CCDC7: variants seen among roughly 807,000 people sequenced by gnomAD.
CCDC7 encodes the protein coiled-coil domain-containing protein 7.
CCDC7 carries 183 observed loss-of-function variants against 196.9 expected under a neutral mutation model. The observed-to-expected ratio is 0.93, with a 90% CI of 0.82 to 1.05. The LOEUF is 1.05. Ranked by LOEUF, CCDC7 falls within the 50% of genes least tolerant of loss-of-function variation. CCDC7 has a pLI of 0.00. For synonymous variants in CCDC7, 525 were observed against 484.6 expected (o/e 1.08, Z -1.10); for missense variants, 1,540 against 1,482.2 (o/e 1.04, Z -0.64).
At chr10:32,781,104 A>T (rs1326450579) in intron 29 of CCDC7, among the ~76,000 whole-genome samples, 5 of 152,200 alleles carry the variant, frequency 3.3e-5, no homozygotes, top group Non-Finnish European at 5.9e-5. Context: ...AATCTACCAG[A>T]ACTGACTTAT....
intron 21 of CCDC7, among the ~76,000 whole-genome samples, chr10:32,670,367 C>G (rs138660299): frequency 0.014 from 2,136 of 151,142 alleles, 18 homozygotes; most frequent in Non-Finnish European, 0.018. Flanking sequence ...ATTTCCTATA[C>G]TTTTATTTAC....
rs962876001 is a variant in CCDC7, at chr10:32,874,827, C to T, written c.4112-1520C>T. Among the ~76,000 whole-genome samples the T allele has an allele frequency of 4.6e-5, 7 of 151,178 alleles. No homozygotes were observed. In the East Asian group the frequency reaches 1.2e-3, roughly 25 times the overall value. On this transcript the variant is annotated intron_variant, in intron 41 of 41. Transcript: ENST00000639629. ...ATACTCACCACATTTTCTTTATCCA[C>T]TCATCATTGCTTTTGGGGTCTTAGT...
chr10:32,863,171 A>G (rs1485846094), intron 41 of CCDC7, among the ~76,000 whole-genome samples: 1 of 128,604 alleles, frequency 7.8e-6, no homozygotes, highest in Non-Finnish European at 1.9e-5. Flanking sequence ...ATGAAACCAC[A>G]AAAAAAACCA....
rs528703652 is a variant in CCDC7 at position 32,484,136 on chromosome 10, C to T, written c.797-7786C>T. 8.5e-5 allele frequency among the ~76,000 whole-genome samples: 13 copies of T among 152,200 alleles called. No homozygotes were observed. In the East Asian group the frequency reaches 1.7e-3, roughly 20 times the overall value. On this transcript the variant is annotated intron_variant, in intron 8 of 41. Coordinates refer to ENST00000639629, the Ensembl canonical transcript of CCDC7. ...ATTCTTCCTATCCATGAGCATGGAA[C>T]GTTCTTCCATTTATTTGTGTCCTCT...
intron 28 of CCDC7, among the ~76,000 whole-genome samples, chr10:32,760,082 AAGTC>A (rs201286514): frequency 0.34 from 51,221 of 151,312 alleles, 10,819 homozygotes; most frequent in Non-Finnish European, 0.49. Flanking sequence ...TATCACTAAA[AAGTC>A]AGCAAACAAC....
At position 32,571,752 on chromosome 10, in the gene CCDC7, G is replaced by A. The variant is rs372105433; in HGVS notation, c.1420-107G>A. ...TGCTTTTTTGATACCTTAATCTTAC[G>A]AAATTGTCATATTAAAAAACTACCT... On this transcript the variant is annotated intron_variant, in intron 15 of 41. Coordinates refer to ENST00000639629, the Ensembl canonical transcript of CCDC7. The A allele has an allele frequency of 2.7e-5, 29 of 1,057,100 alleles. No homozygotes were observed. The Middle Eastern group carries it at 1.1e-3, about 40-fold the overall frequency. 65.5% of individuals were successfully genotyped at this position (1,057,100 alleles called of 1,614,324 possible).
intron 11 of CCDC7, among the ~76,000 whole-genome samples, chr10:32,525,343 G>A (rs1339369287): frequency 6.6e-6 from 1 of 151,846 alleles, no homozygotes; most frequent in Non-Finnish European, 1.5e-5. Flanking sequence ...AGAGTCTGAT[G>A]CATTCTTCAG....
chr10:32,707,554 T>C (rs930965801), intron 24 of CCDC7, among the ~76,000 whole-genome samples: 1 of 152,182 alleles, frequency 6.6e-6, no homozygotes, highest in African/African-American at 2.4e-5. Context: ...GATGACATGA[T>C]TGTATATTTA....
chr10:32,492,687 G>C (rs1021927388), intron 9 of CCDC7, among the ~76,000 whole-genome samples: 7 of 151,992 alleles, frequency 4.6e-5, no homozygotes, highest in African/African-American at 1.4e-4. Context: ...GGGTACAGGA[G>C]GGGGAAATGG....
chr10:32,565,381 A>G (rs1347659068), intron 13 of CCDC7, among the ~76,000 whole-genome samples, 177 bp from the exon 15 acceptor site: 2 of 152,240 alleles, frequency 1.3e-5, no homozygotes, highest in African/African-American at 2.4e-5. Context: ...TGAAAAATCA[A>G]TAGGAAGCTT....
intron 41 of CCDC7, among the ~76,000 whole-genome samples, chr10:32,856,451 C>T (rs974888314): frequency 1.3e-5 from 2 of 152,158 alleles, no homozygotes; most frequent in African/African-American, 4.8e-5. Context: ...GCCCTCTGGA[C>T]TGAACACGCA....
chr10:32,734,131 A>G (rs1034032011), intron 28 of CCDC7, among the ~76,000 whole-genome samples: 1 of 152,224 alleles, frequency 6.6e-6, no homozygotes, highest in Non-Finnish European at 1.5e-5. Flanking sequence ...ATGCATGTGA[A>G]TGTTCATCGC....
rs527372341 is a variant in CCDC7, at chr10:32,812,332, A to G, written c.3098-2038A>G. Among the ~76,000 whole-genome samples, 16 of 152,196 alleles carry G rather than the reference A, an allele frequency of 1.1e-4. 1 individual carries two copies. The South Asian group carries it at 1.4e-3, about 14-fold the overall frequency. ...GGTTAATATAATACAAATTGGAAAT[A>G]TATATTTTCTTTCTTGCCTCAGCTT... is the stretch of plus-strand genomic sequence containing the variant. On this transcript the variant is annotated intron_variant, in intron 30 of 41. Transcript: ENST00000639629.
intron 29 of CCDC7, among the ~76,000 whole-genome samples, chr10:32,786,558 C>A (rs140108265): frequency 1.3e-5 from 2 of 152,104 alleles, no homozygotes; most frequent in Non-Finnish European, 2.9e-5. Context: ...GCCAGGAGTT[C>A]GAGACCAGCC....
At chr10:32,567,089 TA>T (rs2056940005) in intron 14 of CCDC7, among the ~76,000 whole-genome samples, 1 of 146,326 alleles carries the variant, frequency 6.8e-6, no homozygotes, top group Non-Finnish European at 1.5e-5. Flanking sequence ...ATTATATATA[TA>T]TTAGTTATAT....
rs528266620 is a variant in CCDC7 at position 32,709,023 on chromosome 10, G to T, written c.2459-2597G>T. On this transcript the variant is annotated intron_variant, in intron 24 of 41. Transcript: ENST00000639629. Reference sequence around the variant, plus strand: ...GCTACTGTAAAGACAACGTGCACACGTATGTTTATTGCAGCATTATTCACA... The same window carrying T: ...GCTACTGTAAAGACAACGTGCACACTTATGTTTATTGCAGCATTATTCACA... Among the ~76,000 whole-genome samples, 6 of 152,114 alleles carry T rather than the reference G, an allele frequency of 3.9e-5. No individual in the cohort carries two copies. The South Asian group carries it at 6.2e-4, about 16-fold the overall frequency.
intron 20 of CCDC7, among the ~76,000 whole-genome samples, chr10:32,642,994 G>A (rs2067114072): frequency 1.3e-5 from 2 of 152,152 alleles, no homozygotes; most frequent in Admixed American, 1.3e-4. Flanking sequence ...TTTGGTTTAT[G>A]GATGTGTATC....
At chr10:32,746,116 C>T (rs1237146783) in intron 28 of CCDC7, among the ~76,000 whole-genome samples, 4 of 152,040 alleles carry the variant, frequency 2.6e-5, no homozygotes. Flanking sequence ...ACCAGACCAT[C>T]AAGAAGACGG....
At chr10:32,725,441 A>G (rs1474380352) in intron 25 of CCDC7, 22 of 468,666 alleles carry the variant, frequency 4.7e-5, no homozygotes, top group Non-Finnish European at 8.0e-5. Context: ...TTTTTGTTCC[A>G]TATATTAGGT....
Sources: allele counts gnomAD v4.1 joint callset (sites outside exome capture counted in the v4.1 genomes callset), GRCh38; gene constraint gnomAD v4.1.1; transcripts MANE v1.5; gene names NCBI Gene and HGNC (gene_info 2026-07-23, HGNC 2026-07-21).